UNC13C: variants seen among roughly 807,000 people sequenced by gnomAD.
UNC13C encodes the protein protein unc-13 homolog C.
A neutral mutation model predicts 245.4 loss-of-function variants in UNC13C; 174 were observed. The observed-to-expected ratio is 0.71, with a 90% CI of 0.63 to 0.80. The LOEUF is 0.80. Among genes scored for constraint, UNC13C ranks in the 30% least tolerant of loss-of-function variants. The pLI is 0.00. For synonymous variants in UNC13C, 992 were observed against 895.1 expected (o/e 1.11, Z -1.93); for missense variants, 2,829 against 2,602.9 (o/e 1.09, Z -1.89).
intron 2 of UNC13C, among the ~76,000 whole-genome samples, chr15:54,045,971 A>G (rs1030663258): frequency 3.3e-5 from 5 of 152,132 alleles, no homozygotes; most frequent in African/African-American, 1.2e-4. Flanking sequence ...ATCAGTATAG[A>G]TTCCAGATTC....
intron 30 of UNC13C, among the ~76,000 whole-genome samples, chr15:54,572,501 C>T (rs1596593597): frequency 6.7e-6 from 1 of 149,574 alleles, no homozygotes; most frequent in Admixed American, 6.7e-5. Context: ...TCTCGGCTCA[C>T]TGCGGCCTCT....
At chr15:54,263,692 A>G (rs2036483237) in intron 8 of UNC13C, among the ~76,000 whole-genome samples, 2 of 152,206 alleles carry the variant, frequency 1.3e-5, no homozygotes, top group East Asian at 3.9e-4. Context: ...TCCCAAGTAA[A>G]ATCTTACATT....
chr15:54,041,166 ATAAGATGG>A (rs1368622675), intron 2 of UNC13C, among the ~76,000 whole-genome samples: 1 of 152,230 alleles, frequency 6.6e-6, no homozygotes, highest in Non-Finnish European at 1.5e-5. Context: ...ATTTTAAAAT[ATAAGATGG>A]TAGTATATAT....
intron 17 of UNC13C, among the ~76,000 whole-genome samples, chr15:54,340,851 C>T (rs1270404936): frequency 6.6e-6 from 1 of 152,126 alleles, no homozygotes; most frequent in African/African-American, 2.4e-5. Context: ...ATGGGAATTG[C>T]ATCAAATTTG....
At chr15:54,353,576 A>T (rs1010876076) in intron 17 of UNC13C, among the ~76,000 whole-genome samples, 6 of 152,198 alleles carry the variant, frequency 3.9e-5, no homozygotes, top group African/African-American at 1.4e-4. Context: ...GCTTCTGCTA[A>T]AACTATCTTA....
At chr15:54,181,139 C>T (rs888818174) in intron 4 of UNC13C, among the ~76,000 whole-genome samples, 4 of 151,938 alleles carry the variant, frequency 2.6e-5, no homozygotes, top group Non-Finnish European at 5.9e-5. Context: ...TGAAGTCTTG[C>T]ATTTAAATCT....
intron 17 of UNC13C, among the ~76,000 whole-genome samples, chr15:54,345,071 G>A (rs58796044): frequency 4.5e-4 from 69 of 152,166 alleles, no homozygotes; most frequent in African/African-American, 1.4e-3. Context: ...CCTATGTTAC[G>A]CTTCTCACCC....
intron 30 of UNC13C, among the ~76,000 whole-genome samples, chr15:54,590,530 T>G (rs894433890): frequency 6.6e-6 from 1 of 152,034 alleles, no homozygotes; most frequent in Non-Finnish European, 1.5e-5. Context: ...TCCTAAGGGT[T>G]TGTTTGTTTG....
At chr15:54,580,967 T>C (rs1398823530) in intron 30 of UNC13C, among the ~76,000 whole-genome samples, 1 of 152,210 alleles carries the variant, frequency 6.6e-6, no homozygotes, top group Non-Finnish European at 1.5e-5. Context: ...GAACCTGTAC[T>C]GTGCACAAAG....
intron 10 of UNC13C, among the ~76,000 whole-genome samples, chr15:54,293,352 G>C (rs2037350956): frequency 6.6e-6 from 1 of 152,004 alleles, no homozygotes; most frequent in South Asian, 2.1e-4. Context: ...CGATGGACTA[G>C]AATGCACAGT....
chr15:54,029,824 G>A lies in UNC13C; in HGVS notation c.2983+13938G>A, dbSNP rs555656414. On this transcript the variant is annotated intron_variant, in intron 2 of 32. Coordinates refer to ENST00000260323, the MANE Select transcript of UNC13C (RefSeq NM_001080534.3). ...TTGCTCTGATTTCAGCTGCAGCTCCGGTGGACCAGAGCATATGGTCATGCT... is the reference window on the plus strand; with the variant it reads ...TTGCTCTGATTTCAGCTGCAGCTCCAGTGGACCAGAGCATATGGTCATGCT... 1.6e-4 allele frequency among the ~76,000 whole-genome samples: 25 copies of A among 152,216 alleles called. No individual in the cohort carries two copies. The South Asian group carries it at 4.8e-3, about 29-fold the overall frequency.
chr15:53,950,956 A>G, the UNC13C span, among the ~76,000 whole-genome samples: 11 of 152,286 alleles, frequency 7.2e-5, no homozygotes, highest in Middle Eastern at 3.4e-3. Flanking sequence ...TAATATAGCA[A>G]TCTAGTGAAA....
chr15:53,899,192 T>A, the UNC13C span, among the ~76,000 whole-genome samples: 1 of 152,230 alleles, frequency 6.6e-6, no homozygotes, highest in Non-Finnish European at 1.5e-5. Flanking sequence ...ATATGTTTAT[T>A]ATCTGCCTAT....
At chr15:54,555,688 T>G (rs1021744467) in intron 29 of UNC13C, among the ~76,000 whole-genome samples, 176 bp downstream of exon 29, 1 of 152,064 alleles carries the variant, frequency 6.6e-6, no homozygotes, top group Non-Finnish European at 1.5e-5. Flanking sequence ...ATTAATACTA[T>G]TGCACCAACC....
chr15:54,607,635 G>C (rs895822234), intron 30 of UNC13C, among the ~76,000 whole-genome samples: 1 of 152,206 alleles, frequency 6.6e-6, no homozygotes, highest in Admixed American at 6.5e-5. Context: ...AATTGACTCA[G>C]TTATGCAGGC....
At chr15:54,556,212 A>C (rs775416515) in intron 29 of UNC13C, among the ~76,000 whole-genome samples, 7 of 152,058 alleles carry the variant, frequency 4.6e-5, no homozygotes, top group African/African-American at 1.7e-4. Context: ...ATGATGTCCA[A>C]AGTTTTTACT....
In UNC13C at chr15:54,015,651, C is replaced by A. The variant is rs1388960224; in HGVS notation, c.2748C>A (p.Thr916=). The change falls in exon 2 of 33, where the codon ACC becomes ACA. Residue 916 remains threonine, a synonymous_variant. Transcript: ENST00000260323. ...DHLSYETPYE[T]PQDEGYDGPA... is the part of the protein sequence containing the mutation. The stretch of plus-strand genomic sequence containing the variant: ...TTTCATATGAAACACCTTATGAAAC[C>A]CCACAAGATGAGGGTTATGATGGTC... 1.2e-6 allele frequency: 2 copies of A among 1,613,436 alleles called. No individual in the cohort carries two copies. The highest frequency in any genetic ancestry group is 1.7e-6 in the Non-Finnish European group (2 of 1,179,712).
At chr15:54,438,098 A>G (rs917837855) in intron 19 of UNC13C, among the ~76,000 whole-genome samples, 1 of 152,032 alleles carries the variant, frequency 6.6e-6, no homozygotes, top group Non-Finnish European at 1.5e-5. Flanking sequence ...GGTTACTCTT[A>G]AGGAAAGCCT....
chr15:54,380,553 A>G (rs1266610271), intron 17 of UNC13C, among the ~76,000 whole-genome samples: 1 of 152,144 alleles, frequency 6.6e-6, no homozygotes, highest in Non-Finnish European at 1.5e-5. Context: ...TGTTTTCCAT[A>G]ATAGCTGTAC....
Sources: allele counts gnomAD v4.1 joint callset (sites outside exome capture counted in the v4.1 genomes callset), GRCh38; gene constraint gnomAD v4.1.1; transcripts MANE v1.5; gene names NCBI Gene and HGNC (gene_info 2026-07-23, HGNC 2026-07-21).